TCIRG1: variants seen among roughly 807,000 people sequenced by gnomAD.
The protein encoded by TCIRG1 is T cell immune regulator 1, ATPase H+ transporting V0 subunit a3.
In TCIRG1, 86 loss-of-function variants were observed where a neutral mutation model predicts 95.5. The ratio of observed to expected loss-of-function variants is 0.90; its 90% CI spans 0.76 to 1.08. The LOEUF (loss-of-function observed/expected upper bound fraction) is 1.08. Among genes scored for constraint, TCIRG1 ranks in the 50% least tolerant of loss-of-function variants. The pLI is 0.00. For missense variants in TCIRG1, 1,069 were observed against 1,140.2 expected (o/e 0.94, Z 0.90); for synonymous variants, 499 against 501.3 (o/e 1.00, Z 0.06).
chr11:68,046,817 C>G (rs1348203991), intron 10 of TCIRG1: 3 of 453,952 alleles, frequency 6.6e-6, no homozygotes, highest in South Asian at 1.6e-5. Flanking sequence ...TCTCTGGCTT[C>G]TGTGTGGAGC....
In TCIRG1 at chr11:68,045,008, GC is replaced by G; in HGVS notation, c.1077del (p.Thr360HisfsTer43). The part of the protein sequence containing the change: ...VAHRIPCRDM[P>X]PTLIRTNRFT... The stretch of plus-strand genomic sequence containing the variant: ...CTCACCGCATCCCCTGCCGGGACAT[GC>G]CCCCCACACTCATCCGCACCAACCG... On this transcript the variant is annotated frameshift_variant, in exon 10 of 20. Transcript: ENST00000265686. LOFTEE classifies it high-confidence loss of function. The G allele has an allele frequency of 1.2e-6, 2 of 1,608,644 alleles. No individual in the cohort carries two copies.
At chr11:68,041,098 C>T (rs1372012390) in intron 1 of TCIRG1, among the ~76,000 whole-genome samples, 170 bp from the exon 2 acceptor site, 2 of 152,186 alleles carry the variant, frequency 1.3e-5, no homozygotes, top group Non-Finnish European at 1.5e-5. Flanking sequence ...TTACTTTCTG[C>T]GTGACCTCAG....
At chr11:68,050,961 AG>A (rs1436011216), downstream of TCIRG1, 2 of 929,910 alleles carry the variant, frequency 2.2e-6, no homozygotes, top group South Asian at 1.4e-5. Flanking sequence ...GGCATGGTGT[AG>A]GATCTGGGAC....
chr11:68,052,147 C>T (rs562476964), downstream of TCIRG1: 8 of 152,240 alleles, frequency 5.3e-5, no homozygotes, highest in Non-Finnish European at 8.8e-5. Flanking sequence ...TCCTTGTCCA[C>T]GTGAGCTTAT....
At position 68,050,048 on chromosome 11, in the gene TCIRG1, T is replaced by C; in HGVS notation, c.2100T>C (p.Asp700=). ...ATGAGGAAAAGGCAGGGGGCCTGGATGATGAAGAGGAGGCCGAGGTGGGTG... is the reference window on the plus strand; with the variant it reads ...ATGAGGAAAAGGCAGGGGGCCTGGACGATGAAGAGGAGGCCGAGGTGGGTG... The part of the protein sequence containing the change: ...SSDEEKAGGL[D]DEEEAELVPS... Residue 700 remains aspartate, a synonymous_variant, in exon 17 of 20, where the codon GAT becomes GAC. Coordinates refer to ENST00000265686, the MANE Select transcript of TCIRG1 (RefSeq NM_006019.4). 1 of 1,613,282 alleles carries C rather than the reference T, an allele frequency of 6.2e-7. No homozygotes were observed. Among genetic ancestry groups the C allele is most frequent in the Non-Finnish European group, 8.5e-7 (1 of 1,179,824 alleles).
Position 68,042,957 on chromosome 11 carries a change from C to T in TCIRG1, c.429C>T (p.Ala143=). The T allele has an allele frequency of 6.4e-7, 1 of 1,554,504 alleles. No individual in the cohort carries two copies. The highest frequency in any genetic ancestry group is 8.7e-7 in the Non-Finnish European group (1 of 1,149,098). ...RQGHEPQLAA[A]HTDGASERTP... ...TTCTGGGTTCCTAGCTGGCAGCCGC[C>T]CACACAGATGGGGCCTCAGAGAGGA... The change falls in exon 5 of 20, where the codon GCC becomes GCT. Residue 143 remains alanine (A), a synonymous_variant. Transcript: ENST00000265686.
intron 9 of TCIRG1, 79 bp downstream of exon 9, chr11:68,044,423 C>G: frequency 8.4e-7 from 1 of 1,195,590 alleles, no homozygotes. Context: ...CTTCCAGCCT[C>G]TGGCTCCCTG....
In TCIRG1 at chr11:68,042,754, G is replaced by C. The variant is rs775326246; in HGVS notation, c.308G>C (p.Arg103Pro). 6.5e-7 allele frequency: 1 copy of C among 1,547,262 alleles called. No individual in the cohort carries two copies. Among genetic ancestry groups the C allele is most frequent in the Admixed American group, 2.0e-5 (1 of 50,936 alleles). The stretch of plus-strand genomic sequence containing the variant: ...CTGCGCATCCAGGAGGAGACGGAGC[G>C]CCTGGCCCAGGAGCTGCGGGATGTG... ...DLLRIQEETE[R>P]LAQELRDVRG... The change falls in exon 4 of 20, where the codon CGC becomes CCC. Residue 103 changes from arginine (R) to proline (P), a missense_variant. Coordinates refer to ENST00000265686, the MANE Select transcript of TCIRG1 (RefSeq NM_006019.4).
At chr11:68,048,080 G>A in intron 13 of TCIRG1, 108 bp downstream of exon 13, 1 of 972,826 alleles carries the variant, frequency 1.0e-6, no homozygotes, top group Non-Finnish European at 1.6e-6. Flanking sequence ...GCACTCCTGT[G>A]TGCCAGGCCC....
At chr11:68,050,342 TCA>T in intron 18 of TCIRG1, 88 bp downstream of exon 18, 3 of 1,598,248 alleles carry the variant, frequency 1.9e-6, no homozygotes, top group South Asian at 1.1e-5. Flanking sequence ...TCTCTGGGCC[TCA>T]GTTTCCCCTC....
chr11:68,043,009 C>A lies in TCIRG1; in HGVS notation c.481C>A (p.Pro161Thr), dbSNP rs1249309366. ...GCCCCTGCTCCAGGCCCCCGGGGGGCCGCACCAGGACCTGAGGGTCAAGTG... is the reference window on the plus strand; with the variant it reads ...GCCCCTGCTCCAGGCCCCCGGGGGGACGCACCAGGACCTGAGGGTCAAGTG... ...RTPLLQAPGG[P>T]HQDLRVNFVA... is the part of the protein sequence containing the mutation. Residue 161 changes from proline to threonine, a missense_variant, in exon 5 of 20, where the codon CCG (proline) becomes ACG (threonine). Transcript: ENST00000265686. The A allele has an allele frequency of 1.3e-6, 2 of 1,551,846 alleles. No individual in the cohort carries two copies. Among genetic ancestry groups the A allele is most frequent in the East Asian group, 2.4e-5 (1 of 41,002 alleles).
At chr11:68,047,838 C>T (rs968158084) in intron 12 of TCIRG1, 34 bp downstream of exon 12, 94 of 1,612,512 alleles carry the variant, frequency 5.8e-5, no homozygotes, top group Non-Finnish European at 7.1e-5. Flanking sequence ...CTGGGGGCCC[C>T]GCAGCACCCG....
At chr11:68,048,717 G>A (rs1191941417) in intron 13 of TCIRG1, 162 bp from the exon 14 acceptor site, 1 of 722,832 alleles carries the variant, frequency 1.4e-6, no homozygotes, top group Non-Finnish European at 2.5e-6. Flanking sequence ...CGTGGCAGCT[G>A]GCCCATCTGC....
chr11:68,047,858 C>T (rs781474049), intron 12 of TCIRG1, 24 bp from the exon 13 acceptor site: 42 of 1,613,058 alleles, frequency 2.6e-5, no homozygotes, highest in Non-Finnish European at 3.1e-5. Context: ...GCAGCCCTGA[C>T]CGCCCTCCCC....
intron 1 of TCIRG1, chr11:68,040,072 C>T (rs1018645734): frequency 2.0e-5 from 3 of 152,988 alleles, no homozygotes; most frequent in African/African-American, 4.8e-5. Context: ...CACCGTACCC[C>T]CTCCCCAAGG....
intron 5 of TCIRG1, 122 bp downstream of exon 5, chr11:68,043,153 C>T: frequency 1.3e-6 from 2 of 1,527,382 alleles, no homozygotes; most frequent in East Asian, 2.5e-5. Context: ...GCCCCGCCTC[C>T]TCCTTCAGGC....
In TCIRG1 at chr11:68,048,021, G is replaced by C. The variant is rs201515052; in HGVS notation, c.1554+49G>C. ...GTGGGTGGTGAAGGCAGCTGGGAGT[G>C]GGGGCTGGGGCTCCCCTCGGTTCAG... On this transcript the variant is annotated intron_variant, in intron 13 of 19. Transcript: ENST00000265686. 2.1e-3 allele frequency: 3,162 copies of C among 1,531,398 alleles called. 8 individuals are homozygous for C. The highest frequency in any genetic ancestry group is 2.4e-3 in the Non-Finnish European group (2,681 of 1,105,666). 94.9% of individuals were successfully genotyped at this position (1,531,398 alleles called of 1,614,324 possible).
At chr11:68,043,756 ACTCAGAGT>A in intron 7 of TCIRG1, 50 bp from the exon 8 acceptor site, 1 of 1,542,194 alleles carries the variant, frequency 6.5e-7, no homozygotes, top group South Asian at 1.2e-5. Flanking sequence ...CTCCCTTCAG[ACTCAGAGT>A]CTCGTAGCTG....
At chr11:68,039,406 GA>G (rs1226954248) in intron 1 of TCIRG1, among the ~76,000 whole-genome samples, 1 of 152,190 alleles carries the variant, frequency 6.6e-6, no homozygotes, top group Non-Finnish European at 1.5e-5. Context: ...TACAGATGGG[GA>G]AGCTGAGACC....
Sources: gnomAD v4.1 joint callset for allele counts (sites outside exome capture counted in the v4.1 genomes callset) on GRCh38, gnomAD v4.1.1 for gene constraint, MANE v1.5 for transcripts, NCBI Gene and HGNC (gene_info 2026-07-23, HGNC 2026-07-21) for gene names.